The following RBFOX1 variants were observed in gnomAD, a reference collection of about 807,000 sequenced individuals.
RBFOX1 encodes the protein RNA binding protein fox-1 homolog 1.
RBFOX1 carries 8 observed loss-of-function variants against 57.7 expected under a neutral mutation model. That is an observed-to-expected ratio of 0.14 (90% CI 0.08 to 0.25). The LOEUF (loss-of-function observed/expected upper bound fraction) is 0.25, where lower values mean the gene tolerates loss of function less well. RBFOX1 is among the 10% of genes least tolerant of loss of function. The pLI is 1.00. For missense variants in RBFOX1, 611 were observed against 548.5 expected (o/e 1.11, Z -1.14); for synonymous variants, 326 against 222.4 (o/e 1.47, Z -4.15).
intron 15 of RBFOX1, among the ~76,000 whole-genome samples, 197 bp downstream of exon 15, chr16:7,709,328 G>C (rs552709501): frequency 6.6e-6 from 1 of 152,184 alleles, no homozygotes; most frequent in Non-Finnish European, 1.5e-5. Context: ...TGTAGTGCAT[G>C]TAAGTTATTA....
At chr16:7,259,618 AT>A (rs1035430079) in intron 4 of RBFOX1, among the ~76,000 whole-genome samples, 1 of 152,046 alleles carries the variant, frequency 6.6e-6, no homozygotes, top group Admixed American at 6.6e-5. Context: ...CTTTCTCTGT[AT>A]TTTTTATTAT....
At chr16:7,510,466 AGTGTGTGTGTGTATGTGTGTCTGTGT>A (rs1230316442) in intron 4 of RBFOX1, among the ~76,000 whole-genome samples, 1 of 147,120 alleles carries the variant, frequency 6.8e-6, no homozygotes, top group Admixed American at 6.8e-5. Flanking sequence ...TGGTGAAGAG[AGTGTGTGTGTGTATGTGTGTCTGTGT>A]GTGTGTGTGT....
chr16:7,568,445 G>A (rs2092371172), intron 5 of RBFOX1, among the ~76,000 whole-genome samples: 1 of 152,046 alleles, frequency 6.6e-6, no homozygotes, highest in African/African-American at 2.4e-5. Context: ...TGTGATTAGT[G>A]TATAATGAAC....
At chr16:5,361,133 G>A (rs757706607) in intron 1 of RBFOX1, among the ~76,000 whole-genome samples, 5 of 152,284 alleles carry the variant, frequency 3.3e-5, no homozygotes, top group Middle Eastern at 3.4e-3. Context: ...TGTCTTTTCA[G>A]TTTACAGATG....
At chr16:6,547,452 C>T (rs909312540) in intron 2 of RBFOX1, among the ~76,000 whole-genome samples, 3 of 152,124 alleles carry the variant, frequency 2.0e-5, no homozygotes, top group Admixed American at 6.5e-5. Context: ...TGCCATCTTC[C>T]ATAGTAACTA....
At chr16:6,802,438 A>T (rs1452779453) in intron 3 of RBFOX1, among the ~76,000 whole-genome samples, 1 of 152,122 alleles carries the variant, frequency 6.6e-6, no homozygotes, top group Non-Finnish European at 1.5e-5. Flanking sequence ...GCACTTTGGG[A>T]GGCCGAGGTG....
At chr16:6,790,328 G>A (rs1295193107) in intron 3 of RBFOX1, among the ~76,000 whole-genome samples, 2 of 151,932 alleles carry the variant, frequency 1.3e-5, no homozygotes, top group Admixed American at 6.6e-5. Context: ...GGTATTACAG[G>A]CACCCGCCAC....
chr16:7,421,493 A>C (rs2098542285), intron 4 of RBFOX1, among the ~76,000 whole-genome samples: 2 of 152,234 alleles, frequency 1.3e-5, no homozygotes, highest in Non-Finnish European at 2.9e-5. Flanking sequence ...GGCAATAGTG[A>C]CATTTCCCAG....
intron 3 of RBFOX1, among the ~76,000 whole-genome samples, chr16:6,955,082 A>AAG (rs370548572): frequency 6.9e-6 from 1 of 145,878 alleles, no homozygotes; most frequent in Non-Finnish European, 1.5e-5. Flanking sequence ...AAAAAAAAAC[A>AAG]CACAAAAAAT....
At chr16:7,086,816 A>G (rs2060064532) in intron 4 of RBFOX1, among the ~76,000 whole-genome samples, 5 of 152,106 alleles carry the variant, frequency 3.3e-5, no homozygotes, top group Admixed American at 3.3e-4. Context: ...GATTCATGCT[A>G]GCAAGTCTTC....
intron 2 of RBFOX1, among the ~76,000 whole-genome samples, chr16:6,486,482 T>G (rs978647002): frequency 2.6e-5 from 4 of 152,150 alleles, no homozygotes; most frequent in Non-Finnish European, 5.9e-5. Flanking sequence ...AGCTTTTATT[T>G]TAAAAACTTC....
At chr16:6,050,783 T>C (rs1448452180) in intron 1 of RBFOX1, among the ~76,000 whole-genome samples, 1 of 152,028 alleles carries the variant, frequency 6.6e-6, no homozygotes, top group African/African-American at 2.4e-5. Context: ...TGCTTGATTT[T>C]CTCTTTGTGA....
chr16:6,812,097 A>C (rs898652178), intron 3 of RBFOX1, among the ~76,000 whole-genome samples: 1 of 152,164 alleles, frequency 6.6e-6, no homozygotes, highest in Non-Finnish European at 1.5e-5. Flanking sequence ...CCATATGATG[A>C]AGAAGCCTTC....
At chr16:5,889,801 T>C (rs1383110873) in intron 4 of RBFOX1, among the ~76,000 whole-genome samples, 1 of 152,184 alleles carries the variant, frequency 6.6e-6, no homozygotes, top group Non-Finnish European at 1.5e-5. Context: ...GATGTAGGTG[T>C]TGGCAAGACA....
chr16:6,435,526 A>G (rs745903781), intron 2 of RBFOX1, among the ~76,000 whole-genome samples: 146 of 150,008 alleles, frequency 9.7e-4, no homozygotes, highest in Admixed American at 2.2e-3. Context: ...CTCGCCTTGA[A>G]CTCCTTACCT....
At chr16:7,433,633 G>A (rs918800962) in intron 4 of RBFOX1, among the ~76,000 whole-genome samples, 8 of 152,208 alleles carry the variant, frequency 5.3e-5, no homozygotes, top group African/African-American at 1.9e-4. Flanking sequence ...TTGTCTGGGA[G>A]ATAGGTTACC....
chr16:7,121,352 AT>A (rs1337099004), intron 4 of RBFOX1, among the ~76,000 whole-genome samples: 1 of 152,148 alleles, frequency 6.6e-6, no homozygotes, highest in Non-Finnish European at 1.5e-5. Context: ...AGAATTGTCT[AT>A]TTATAAAATC....
chr16:5,903,986 G>C (rs572131303), intron 4 of RBFOX1, among the ~76,000 whole-genome samples: 1 of 152,292 alleles, frequency 6.6e-6, no homozygotes, highest in South Asian at 2.1e-4. Flanking sequence ...CAAAATATGA[G>C]CTAATAGAAT....
At chr16:7,683,598 T>C (rs1041624480) in intron 14 of RBFOX1, among the ~76,000 whole-genome samples, 1 of 152,078 alleles carries the variant, frequency 6.6e-6, no homozygotes, top group African/African-American at 2.4e-5. Flanking sequence ...CTTTTGCCAG[T>C]GACAAGGCAA....
Sources: allele counts gnomAD v4.1 joint callset (sites outside exome capture counted in the v4.1 genomes callset), GRCh38; gene constraint gnomAD v4.1.1; transcripts MANE v1.5; gene names NCBI Gene and HGNC (gene_info 2026-07-23, HGNC 2026-07-21).